The following KLHL15 variants were observed in gnomAD, a reference collection of about 807,000 sequenced individuals.
The protein encoded by KLHL15 is kelch-like protein 15.
KLHL15 carries 1 observed loss-of-function variant against 29.3 expected under a neutral mutation model. The observed-to-expected ratio is 0.03, with a 90% CI of 0.01 to 0.16. KLHL15 has a LOEUF of 0.16. Among genes scored for constraint, KLHL15 ranks in the 10% least tolerant of loss-of-function variants. The pLI is 1.00. For synonymous variants in KLHL15, 212 were observed against 184.5 expected, an observed-to-expected ratio of 1.15 and a Z score of -1.21; for missense variants, 215 against 478.5, an observed-to-expected ratio of 0.45 and a Z score of 5.14.
chrX:23,998,209 C>T (rs1929233238), intron 3 of KLHL15, among the ~76,000 whole-genome samples: 1 of 111,256 alleles, frequency 9.0e-6, no homozygotes, highest in African/African-American at 3.3e-5. Flanking sequence ...GATCCGCCCG[C>T]CTTGGCTTCC....
chrX:24,014,931 T>C (rs1929645429), intron 2 of KLHL15, among the ~76,000 whole-genome samples: 1 of 112,256 alleles, frequency 8.9e-6, no homozygotes, highest in South Asian at 3.7e-4. Flanking sequence ...GGGCACCCAC[T>C]TCTGTCTGCC....
At chrX:24,022,149 A>G (rs1188435197) in intron 2 of KLHL15, among the ~76,000 whole-genome samples, 1 of 109,738 alleles carries the variant, frequency 9.1e-6, no homozygotes, top group Non-Finnish European at 1.9e-5. Flanking sequence ...AGCCTGGCTA[A>G]CATGGTGAAA....
intron 2 of KLHL15, among the ~76,000 whole-genome samples, chrX:24,013,876 AG>A (rs1400266702): frequency 9.0e-6 from 1 of 110,680 alleles, no homozygotes; most frequent in African/African-American, 3.3e-5. Context: ...AAAAACAATT[AG>A]AATTAAAAAC....
At chrX:24,007,934 AAC>A (rs72411424) in intron 2 of KLHL15, among the ~76,000 whole-genome samples, 17,586 of 109,905 alleles carry the variant, frequency 0.16, 1,355 homozygotes, top group South Asian at 0.53. Context: ...TGAAAAAAAA[AAC>A]AAGTGACTGC....
intron 1 of KLHL15, among the ~76,000 whole-genome samples, chrX:24,026,491 G>T (rs1048971303): frequency 1.8e-5 from 2 of 109,468 alleles, no homozygotes; most frequent in African/African-American, 6.7e-5. Flanking sequence ...TTGGAAGCCC[G>T]TGGATCTACA....
At chrX:23,997,141 C>A (rs1159957067) in intron 3 of KLHL15, among the ~76,000 whole-genome samples, 1 of 71,438 alleles carries the variant, frequency 1.4e-5, no homozygotes, top group African/African-American at 1.1e-4. Context: ...GCCCTCAGGG[C>A]AAGAGAGTTT....
intron 1 of KLHL15, among the ~76,000 whole-genome samples, chrX:24,026,115 C>T (rs1929928954): frequency 8.9e-6 from 1 of 112,306 alleles, no homozygotes; most frequent in South Asian, 3.6e-4. Context: ...CGCCAAATGA[C>T]ATCATTTTTT....
chrX:24,014,919 G>A (rs1929645136), intron 2 of KLHL15, among the ~76,000 whole-genome samples: 1 of 112,214 alleles, frequency 8.9e-6, no homozygotes, highest in Non-Finnish European at 1.9e-5. Context: ...AAGAGCAACT[G>A]TGGGCACCCA....
chrX:24,006,453 C>T lies in KLHL15; in HGVS notation c.241G>A (p.Gly81Ser). ...ATAAATTGCAGGACATGGCTGAAAC[C>T]GGTAGCTGTTAGACCTTTTAAATGA... ...KIHLKGLTAT[G>S]FSHVLQFMYY... is the part of the protein sequence containing the mutation. Residue 81 changes from glycine (G) to serine (S), a missense_variant, in exon 3 of 4, where the codon GGT (glycine) becomes AGT (serine). By Grantham distance (56) the Gly-to-Ser change is moderately conservative. Coordinates refer to ENST00000328046, the MANE Select transcript of KLHL15 (RefSeq NM_030624.3). 4.1e-6 allele frequency: 5 copies of T among 1,210,821 alleles called. No individual in the cohort carries two copies. Among genetic ancestry groups the T allele is most frequent in the Non-Finnish European group, 5.6e-6 (5 of 894,718 alleles).
intron 2 of KLHL15, among the ~76,000 whole-genome samples, chrX:24,012,985 T>C (rs921654802): frequency 9.0e-6 from 1 of 111,455 alleles, no homozygotes; most frequent in African/African-American, 3.3e-5. Context: ...AAGAGGTCTA[T>C]CTATAATTTG....
In KLHL15 at chrX:24,016,370, G is replaced by GAAAAAAAAAA. The variant is rs1929685318; in HGVS notation, c.-8+8486_-8+8487insTTTTTTTTTT. ...AAAAAAAAAAAAAAAAAAAAAAAAG[G>GAAAAAAAAAA]GGGGGTATACTTGGCCAGGTGCAGT... On this transcript the variant is annotated intron_variant, in intron 2 of 3. Transcript: ENST00000328046. Among the ~76,000 whole-genome samples, 3 of 78,756 alleles carry GAAAAAAAAAA rather than the reference G, an allele frequency of 3.8e-5. No homozygotes were observed. The Admixed American group carries it at 4.1e-4, about 11-fold the overall frequency. The allele number at this position is 78,756 out of a possible 115,157, so 68.4% of individuals were successfully genotyped here.
intron 3 of KLHL15, among the ~76,000 whole-genome samples, chrX:24,003,649 G>A (rs1471048402): frequency 4.9e-5 from 2 of 41,104 alleles, no homozygotes; most frequent in Non-Finnish European, 7.3e-5. Flanking sequence ...ATAAATATAT[G>A]TGTGTGTGTG....
At chrX:23,990,773 C>T (rs944276479) in intron 3 of KLHL15, among the ~76,000 whole-genome samples, 4 of 110,450 alleles carry the variant, frequency 3.6e-5, no homozygotes, top group Admixed American at 2.9e-4. Context: ...CTTCCTCCCC[C>T]CCCTTCCTTC....
chrX:24,008,053 A>C (rs1929491172), intron 2 of KLHL15, among the ~76,000 whole-genome samples: 1 of 111,748 alleles, frequency 8.9e-6, no homozygotes, highest in Non-Finnish European at 1.9e-5. Context: ...GTAGGTTTTC[A>C]GGAGAGGCTT....
At chrX:24,019,673 G>A (rs1051110806) in intron 2 of KLHL15, among the ~76,000 whole-genome samples, 2 of 110,923 alleles carry the variant, frequency 1.8e-5, no homozygotes, top group Non-Finnish European at 3.8e-5. Context: ...ACACGTGCAC[G>A]CACAAACCTC....
chrX:23,999,809 A>G (rs997778134), intron 3 of KLHL15, among the ~76,000 whole-genome samples: 3 of 111,978 alleles, frequency 2.7e-5, no homozygotes, highest in African/African-American at 9.8e-5. Context: ...AACACTCTAC[A>G]TCTATACATA....
At chrX:24,019,557 C>T (rs1413633290) in intron 2 of KLHL15, among the ~76,000 whole-genome samples, 2 of 110,983 alleles carry the variant, frequency 1.8e-5, no homozygotes, top group Non-Finnish European at 3.8e-5. Flanking sequence ...AGCCCGGCCC[C>T]CACTAATTTT....
At chrX:23,994,449 T>C (rs945557587) in intron 3 of KLHL15, among the ~76,000 whole-genome samples, 2 of 112,528 alleles carry the variant, frequency 1.8e-5, no homozygotes, top group African/African-American at 3.2e-5. Context: ...ATATACCATA[T>C]GCAGCTGTGA....
rs745578845 is a variant in KLHL15, at chrX:24,019,505, C to T, written c.-8+5352G>A. Among the ~76,000 whole-genome samples, 9 of 111,241 alleles carry T rather than the reference C, an allele frequency of 8.1e-5. No homozygotes were observed. In the South Asian group the frequency reaches 3.4e-3, roughly 42 times the overall value. ...TCCTGGCCTCAAGCGATCCACCCGC[C>T]TCGGCCTCTCAAAGTGCTGGGATTA... On this transcript the variant is annotated intron_variant, in intron 2 of 3. Coordinates refer to ENST00000328046, the MANE Select transcript of KLHL15 (RefSeq NM_030624.3).
Sources: gnomAD v4.1 joint callset for allele counts (sites outside exome capture counted in the v4.1 genomes callset) on GRCh38, gnomAD v4.1.1 for gene constraint, MANE v1.5 for transcripts, NCBI Gene and HGNC (gene_info 2026-07-23, HGNC 2026-07-21) for gene names.